The following CELF2 variants were observed in gnomAD, a reference collection of about 807,000 sequenced individuals.
The protein encoded by CELF2 is CUGBP Elav-like family member 2.
A neutral mutation model predicts 62.6 loss-of-function variants in CELF2; 8 were observed. The ratio of observed to expected loss-of-function variants is 0.13; its 90% CI spans 0.07 to 0.23. The LOEUF (loss-of-function observed/expected upper bound fraction) is 0.23. Ranked by LOEUF, CELF2 falls within the 10% of genes least tolerant of loss-of-function variation. The pLI, the probability that CELF2 is intolerant of heterozygous loss-of-function variation, is 1.00. For synonymous variants in CELF2, 258 were observed against 250.0 expected (o/e 1.03, Z -0.30); for missense variants, 333 against 671.0 (o/e 0.50, Z 5.56).
At chr10:11,153,060 G>A (rs1206436196) in intron 1 of CELF2, among the ~76,000 whole-genome samples, 5 of 152,220 alleles carry the variant, frequency 3.3e-5, no homozygotes, top group Admixed American at 3.3e-4. Context: ...ACGACCAAGT[G>A]AAGTCATGTA....
At chr10:11,122,984 G>T (rs141485664) in intron 1 of CELF2, among the ~76,000 whole-genome samples, 117 of 152,290 alleles carry the variant, frequency 7.7e-4, no homozygotes, top group African/African-American at 2.6e-3. Flanking sequence ...CAGGATCTGG[G>T]AGTACGGTTT....
chr10:11,051,869 T>C (rs1368580990), intron 1 of CELF2, among the ~76,000 whole-genome samples: 3 of 152,008 alleles, frequency 2.0e-5, no homozygotes, highest in Non-Finnish European at 2.9e-5. Flanking sequence ...TGGCAGGTTT[T>C]TGTTTTTTTG....
chr10:10,870,703 AC>A (rs561873608), intron 1 of CELF2, among the ~76,000 whole-genome samples: 63 of 152,238 alleles, frequency 4.1e-4, no homozygotes, highest in African/African-American at 1.4e-3. Flanking sequence ...CATTTTTAAA[AC>A]CTCAACCTTA....
At chr10:10,610,861 G>C in the CELF2 span, among the ~76,000 whole-genome samples, 12 of 152,138 alleles carry the variant, frequency 7.9e-5, no homozygotes, top group African/African-American at 2.9e-4. Flanking sequence ...TCTGAGTGGA[G>C]AAAAGAAAGA....
chr10:10,655,016 C>A, the CELF2 span, among the ~76,000 whole-genome samples: 13 of 147,216 alleles, frequency 8.8e-5, no homozygotes, highest in South Asian at 2.4e-4. Flanking sequence ...GCAACTTCAG[C>A]AAAGTCTCAG....
chr10:10,748,548 A>G, the CELF2 span, among the ~76,000 whole-genome samples: 1 of 151,942 alleles, frequency 6.6e-6, no homozygotes, highest in Non-Finnish European at 1.5e-5. Flanking sequence ...GGAGATCGAG[A>G]CCATCCTGGC....
At chr10:10,535,235 A>G in the CELF2 span, among the ~76,000 whole-genome samples, 4 of 152,218 alleles carry the variant, frequency 2.6e-5, no homozygotes, top group South Asian at 2.1e-4. Context: ...AGGACCACAC[A>G]GCATGATTGC....
chr10:11,273,424 C>T (rs761865639), intron 7 of CELF2, among the ~76,000 whole-genome samples: 3 of 152,106 alleles, frequency 2.0e-5, no homozygotes, highest in African/African-American at 4.8e-5. Context: ...ATCTAATTCC[C>T]GATGAACTGA....
At chr10:10,464,276 C>A in the CELF2 span, among the ~76,000 whole-genome samples, 1 of 152,066 alleles carries the variant, frequency 6.6e-6, no homozygotes, top group Non-Finnish European at 1.5e-5. Flanking sequence ...TCTTATCCAC[C>A]GGTAACTGTC....
At chr10:11,131,561 T>C (rs1368228985) in intron 1 of CELF2, among the ~76,000 whole-genome samples, 6 of 152,190 alleles carry the variant, frequency 3.9e-5, no homozygotes, top group Non-Finnish European at 8.8e-5. Flanking sequence ...GCACTAAGAA[T>C]CTTTCACATC....
rs1565759969 is a variant in CELF2, at chr10:11,284,138, TGTGGTGGGTGGATGAGGGATGAGTGC to T, written c.842-4242_842-4217del. ...GTGGTAGGTGGATGATGGATGAGTG[TGTGGTGGGTGGATGAGGGATGAGTGC>T]GTGGTGGGTGGATGAGGGATGAGTG... On this transcript the variant is annotated intron_variant, in intron 8 of 12. Coordinates refer to ENST00000633077, the MANE Select transcript of CELF2 (RefSeq NM_001326342.2). 3.9e-3 allele frequency among the ~76,000 whole-genome samples: 323 copies of T among 83,276 alleles called. 8 individuals carry two copies. The highest frequency in any genetic ancestry group is 5.8e-3 in the East Asian group (13 of 2,244). The allele number at this position is 83,276 out of a possible 152,430, so 54.6% of individuals were successfully genotyped here.
chr10:10,585,383 C>T, the CELF2 span, among the ~76,000 whole-genome samples: 1 of 152,086 alleles, frequency 6.6e-6, no homozygotes, highest in Non-Finnish European at 1.5e-5. Context: ...TCCCTTCTGT[C>T]CTCTGTACAC....
chr10:10,808,906 G>A (rs762370280), intron 1 of CELF2, among the ~76,000 whole-genome samples: 12 of 152,078 alleles, frequency 7.9e-5, no homozygotes, highest in Admixed American at 1.3e-4. Context: ...GAGTCCATAC[G>A]CTATTGATAT....
At position 11,178,316 on chromosome 10, in the gene CELF2, G is replaced by A. The variant is rs1289940163; in HGVS notation, c.271+12634G>A. Among the ~76,000 whole-genome samples the A allele has an allele frequency of 1.3e-5, 2 of 152,314 alleles. No homozygotes were observed. Among genetic ancestry groups the A allele is most frequent in the South Asian group, 4.1e-4 (2 of 4,824 alleles). On this transcript the variant is annotated intron_variant, in intron 2 of 12. Coordinates refer to ENST00000633077, the MANE Select transcript of CELF2 (RefSeq NM_001326342.2). The surrounding 1 kb of genome is among the most constrained non-coding windows in gnomAD (Gnocchi z 4.3). ...GGCCACCATACAGCTGCCAGGTGGC[G>A]CTGGCTCTTAGCTGTTCTGCAAGTC... is the stretch of plus-strand genomic sequence containing the variant.
intron 1 of CELF2, among the ~76,000 whole-genome samples, chr10:11,053,192 T>C (rs1398809875): frequency 6.6e-6 from 1 of 152,220 alleles, no homozygotes; most frequent in Non-Finnish European, 1.5e-5. Context: ...TCTCTGGACA[T>C]TTGTTTTATT....
chr10:10,736,388 CTTTCTTT>C, the CELF2 span, among the ~76,000 whole-genome samples: 1 of 79,956 alleles, frequency 1.3e-5, no homozygotes, highest in South Asian at 3.2e-4. Flanking sequence ...TTCTTTCTTT[CTTTCTTT>C]CTTTTTTTTT....
chr10:10,890,394 C>T (rs2062048723), intron 1 of CELF2, among the ~76,000 whole-genome samples: 1 of 152,056 alleles, frequency 6.6e-6, no homozygotes, highest in African/African-American at 2.4e-5. Flanking sequence ...GTCTAGACCA[C>T]CTTACAAAAT....
At chr10:11,216,853 G>C (rs1041867195) in intron 2 of CELF2, among the ~76,000 whole-genome samples, 8 of 152,232 alleles carry the variant, frequency 5.3e-5, no homozygotes, top group African/African-American at 1.9e-4. Flanking sequence ...TTCTAAGCCA[G>C]TTAAAATACA....
rs530803324 is a variant in CELF2, at chr10:11,044,638, T to C, written c.74+26475T>C. 2.0e-5 allele frequency among the ~76,000 whole-genome samples: 3 copies of C among 152,320 alleles called. No individual in the cohort carries two copies. In the South Asian group the frequency reaches 6.2e-4, roughly 32 times the overall value. ...GTCATTTTTATTACTCAATCTGGTT[T>C]TAATACATTATAACAGTATGGACCC... is the stretch of plus-strand genomic sequence containing the variant. On this transcript the variant is annotated intron_variant, in intron 1 of 12. Transcript: ENST00000633077.
Sources: gnomAD v4.1 joint callset for allele counts (sites outside exome capture counted in the v4.1 genomes callset) on GRCh38, gnomAD v4.1.1 for gene constraint, Gnocchi (gnomAD v3.1) non-coding constraint, MANE v1.5 for transcripts, NCBI Gene and HGNC (gene_info 2026-07-23, HGNC 2026-07-21) for gene names.